The following ARHGAP24 variants were observed in gnomAD, a reference collection of about 807,000 sequenced individuals.
The protein encoded by ARHGAP24 is Rho GTPase activating protein 24.
In ARHGAP24, 50 loss-of-function variants were observed where a neutral mutation model predicts 76.4. That is an observed-to-expected ratio of 0.65 (90% CI 0.52 to 0.83). The LOEUF is 0.83. ARHGAP24 is among the 40% of genes least tolerant of loss of function. ARHGAP24 has a pLI of 0.00. For synonymous variants in ARHGAP24, 345 were observed against 323.3 expected (o/e 1.07, Z -0.72); for missense variants, 930 against 914.2 (o/e 1.02, Z -0.22).
chr4:85,608,922 T>C (rs1359832838), intron 2 of ARHGAP24, among the ~76,000 whole-genome samples: 2 of 152,154 alleles, frequency 1.3e-5, no homozygotes, highest in African/African-American at 4.8e-5. Flanking sequence ...TTTCTTTAGT[T>C]AGAGAGATAG....
intron 3 of ARHGAP24, among the ~76,000 whole-genome samples, chr4:85,871,812 T>C (rs895484329): frequency 1.3e-5 from 2 of 152,168 alleles, no homozygotes; most frequent in Non-Finnish European, 2.9e-5. Context: ...TGATGGCACA[T>C]TGATCCATCC....
intron 3 of ARHGAP24, among the ~76,000 whole-genome samples, chr4:85,763,996 T>C (rs1726832746): frequency 6.6e-6 from 1 of 152,178 alleles, no homozygotes; most frequent in South Asian, 2.1e-4. Flanking sequence ...TCATACTTTA[T>C]TTTTAATGTT....
At chr4:85,551,046 C>T (rs1237539391) in intron 1 of ARHGAP24, among the ~76,000 whole-genome samples, 2 of 152,162 alleles carry the variant, frequency 1.3e-5, no homozygotes, top group African/African-American at 4.8e-5. Context: ...ATTTCTCTGA[C>T]CAAGACTTCC....
intron 3 of ARHGAP24, among the ~76,000 whole-genome samples, chr4:85,798,652 T>C (rs1728461269): frequency 3.3e-5 from 5 of 152,220 alleles, no homozygotes; most frequent in Admixed American, 2.0e-4. Context: ...AAAGATGTTA[T>C]CTGTAGGGGA....
At chr4:85,651,221 G>T (rs772923101) in intron 2 of ARHGAP24, among the ~76,000 whole-genome samples, 1 of 149,332 alleles carries the variant, frequency 6.7e-6, no homozygotes, top group Admixed American at 6.6e-5. Context: ...AGAAGTTTGG[G>T]TATGCTCTAA....
chr4:85,488,773 C>T (rs1209743436), intron 1 of ARHGAP24, among the ~76,000 whole-genome samples: 1 of 152,138 alleles, frequency 6.6e-6, no homozygotes, highest in African/African-American at 2.4e-5. Flanking sequence ...TAAGTACCAT[C>T]TTTGGCAAAA....
chr4:85,967,969 CAG>C (rs1195171273), intron 5 of ARHGAP24, among the ~76,000 whole-genome samples: 1 of 152,122 alleles, frequency 6.6e-6, no homozygotes, highest in Middle Eastern at 3.2e-3. Flanking sequence ...AAGCGAGGTA[CAG>C]AGACAGCCCC....
intron 2 of ARHGAP24, among the ~76,000 whole-genome samples, chr4:85,610,821 G>A (rs1720357752): frequency 6.6e-6 from 1 of 152,056 alleles, no homozygotes; most frequent in Non-Finnish European, 1.5e-5. Flanking sequence ...CAATTTTGGT[G>A]GCTCTTACAT....
chr4:85,548,900 A>G (rs143553699), intron 1 of ARHGAP24, among the ~76,000 whole-genome samples: 143 of 152,204 alleles, frequency 9.4e-4, no homozygotes, highest in Non-Finnish European at 1.5e-3. Flanking sequence ...TAGAACTTCT[A>G]TTTATGGAAT....
At chr4:85,662,693 T>A (rs1722446520) in intron 2 of ARHGAP24, among the ~76,000 whole-genome samples, 1 of 152,176 alleles carries the variant, frequency 6.6e-6, no homozygotes, top group Admixed American at 6.5e-5. Context: ...TTAATTTTTG[T>A]ATAAGGTGTA....
chr4:85,553,320 G>A (rs1210138643), intron 1 of ARHGAP24, among the ~76,000 whole-genome samples: 1 of 152,078 alleles, frequency 6.6e-6, no homozygotes, highest in South Asian at 2.1e-4. Context: ...TGGCTCAGGT[G>A]GCCTGCTTTT....
At chr4:85,752,942 T>C (rs1726318313) in intron 3 of ARHGAP24, among the ~76,000 whole-genome samples, 1 of 152,210 alleles carries the variant, frequency 6.6e-6, no homozygotes, top group Admixed American at 6.5e-5. Context: ...AGGATTTATA[T>C]AGCCAGGGAT....
intron 4 of ARHGAP24, among the ~76,000 whole-genome samples, chr4:85,932,112 A>T (rs565337660): frequency 6.6e-6 from 1 of 152,180 alleles, no homozygotes; most frequent in Non-Finnish European, 1.5e-5. Context: ...TCACCATCAT[A>T]TATTATCAGC....
intron 3 of ARHGAP24, among the ~76,000 whole-genome samples, chr4:85,730,487 G>A (rs35577842): frequency 0.16 from 24,667 of 152,114 alleles, 2,652 homozygotes; most frequent in East Asian, 0.55. Context: ...GCTCACTGCC[G>A]CCTCAACCTC....
intron 1 of ARHGAP24, among the ~76,000 whole-genome samples, chr4:85,562,387 G>T (rs368806720): frequency 6.6e-6 from 1 of 151,916 alleles, no homozygotes; most frequent in African/African-American, 2.4e-5. Context: ...TAAAGGTATT[G>T]CTCATTCTCA....
chr4:85,813,223 C>T (rs1729086215), intron 3 of ARHGAP24, among the ~76,000 whole-genome samples: 1 of 152,136 alleles, frequency 6.6e-6, no homozygotes, highest in African/African-American at 2.4e-5. Context: ...TACCTCAGTG[C>T]ACCCAGCATT....
intron 2 of ARHGAP24, among the ~76,000 whole-genome samples, chr4:85,709,625 TGTC>T (rs2110033401): frequency 6.6e-6 from 1 of 152,262 alleles, no homozygotes; most frequent in African/African-American, 2.4e-5. Context: ...AATGACCCCT[TGTC>T]AGCACACAAA....
chr4:85,815,573 T>A (rs1378342322), intron 3 of ARHGAP24, among the ~76,000 whole-genome samples: 1 of 152,240 alleles, frequency 6.6e-6, no homozygotes, highest in Non-Finnish European at 1.5e-5. Flanking sequence ...AAGTTCCTCA[T>A]TTCCATCTGA....
intron 3 of ARHGAP24, among the ~76,000 whole-genome samples, chr4:85,790,376 T>C (rs528717623): frequency 1.3e-4 from 20 of 152,342 alleles, no homozygotes; most frequent in Middle Eastern, 6.8e-3. Flanking sequence ...TAGGTTCCAA[T>C]TTATAATTCA....
Sources: gnomAD v4.1 joint callset for allele counts (sites outside exome capture counted in the v4.1 genomes callset) on GRCh38, gnomAD v4.1.1 for gene constraint, MANE v1.5 for transcripts, NCBI Gene and HGNC (gene_info 2026-07-23, HGNC 2026-07-21) for gene names.